PPM1B: variants seen among roughly 807,000 people sequenced by gnomAD.
The protein encoded by PPM1B is protein phosphatase, Mg2+/Mn2+ dependent 1B, also known as protein phosphatase 1B.
In PPM1B, 22 loss-of-function variants were observed where a neutral mutation model predicts 43.0. The observed-to-expected ratio is 0.51, with a 90% CI of 0.37 to 0.73. PPM1B has a LOEUF of 0.73. Among genes scored for constraint, PPM1B ranks in the 30% least tolerant of loss-of-function variants. The pLI is 0.00. For synonymous variants in PPM1B, 217 were observed against 197.9 expected (o/e 1.10, Z -0.81); for missense variants, 632 against 584.2 (o/e 1.08, Z -0.84).
chr2:44,243,624 T>C (rs1213696415), intron 5 of PPM1B, among the ~76,000 whole-genome samples: 1 of 152,210 alleles, frequency 6.6e-6, no homozygotes, highest in Non-Finnish European at 1.5e-5. Context: ...AGCCAATCTT[T>C]TCTCATTATT....
intron 1 of PPM1B, among the ~76,000 whole-genome samples, chr2:44,187,973 A>G (rs1052496539): frequency 6.6e-6 from 1 of 152,136 alleles, no homozygotes; most frequent in African/African-American, 2.4e-5. Context: ...GATGGTCTCA[A>G]TCTCCTGACC....
downstream of PPM1B, among the ~76,000 whole-genome samples, chr2:44,246,491 T>C (rs1027295041): frequency 6.6e-6 from 1 of 152,212 alleles, no homozygotes; most frequent in Non-Finnish European, 1.5e-5. Context: ...CAGGTCCAAG[T>C]ACTGAGGCCC....
At chr2:44,190,591 A>C (rs1238951497) in intron 1 of PPM1B, among the ~76,000 whole-genome samples, 1 of 152,162 alleles carries the variant, frequency 6.6e-6, no homozygotes, top group Non-Finnish European at 1.5e-5. Context: ...TTTTGAAAGT[A>C]ATTTTAAAGA....
rs182424346 is a variant in PPM1B at position 44,240,373 on chromosome 2, C to T, written n.1547-3855C>T. 1.4e-5 allele frequency among the ~76,000 whole-genome samples: 2 copies of T among 145,908 alleles called. 1 individual carries two copies. The highest frequency in any genetic ancestry group is 4.1e-4 in the East Asian group (2 of 4,896). On this transcript the variant is annotated intron_variant and non_coding_transcript_variant, in intron 5 of 5. Transcript: ENST00000378540. ...TTTTAACCTATCACTCCCTTTCCTCCCCCTGTAAAACAGGATTAGTAACTA... is the reference window on the plus strand; with the variant it reads ...TTTTAACCTATCACTCCCTTTCCTCTCCCTGTAAAACAGGATTAGTAACTA...
chr2:44,196,243 G>C lies in PPM1B; in HGVS notation c.-14-4943G>C, dbSNP rs1668656620. 1.3e-5 allele frequency among the ~76,000 whole-genome samples: 2 copies of C among 152,116 alleles called. 1 individual carries two copies. The highest frequency in any genetic ancestry group is 1.3e-4 in the Admixed American group (2 of 15,268). On this transcript the variant is annotated intron_variant, in intron 1 of 5. Coordinates refer to ENST00000282412, the MANE Select transcript of PPM1B (RefSeq NM_002706.6). ...GTCTCCTTAGGCCCCTGTTGGCTGTGGCAGTTTCTCAGGCTTTCCTTGTTT... is the reference window on the plus strand; with the variant it reads ...GTCTCCTTAGGCCCCTGTTGGCTGTCGCAGTTTCTCAGGCTTTCCTTGTTT...
chr2:44,232,185 C>G, downstream of PPM1B: 2 of 1,348,622 alleles, frequency 1.5e-6, no homozygotes, highest in Non-Finnish European at 2.0e-6. Context: ...CAACATCTCT[C>G]TGTAAAAGTA....
chr2:44,216,524 A>G (rs992085591), intron 3 of PPM1B, among the ~76,000 whole-genome samples: 5 of 152,208 alleles, frequency 3.3e-5, no homozygotes, highest in Non-Finnish European at 4.4e-5. Context: ...GCATTATGGT[A>G]TACAGTACAT....
At chr2:44,191,970 T>G (rs1012595163) in intron 1 of PPM1B, among the ~76,000 whole-genome samples, 1 of 152,112 alleles carries the variant, frequency 6.6e-6, no homozygotes, top group Non-Finnish European at 1.5e-5. Context: ...TCTTTCCTTT[T>G]CTTGTTCTTT....
intron 5 of PPM1B, among the ~76,000 whole-genome samples, chr2:44,243,268 CT>C (rs1279922087): frequency 6.6e-6 from 1 of 152,156 alleles, no homozygotes; most frequent in African/African-American, 2.4e-5. Context: ...TTCATATACA[CT>C]TTTAAATCAA....
chr2:44,179,884 C>A (rs1558389539), intron 1 of PPM1B, among the ~76,000 whole-genome samples: 1 of 151,848 alleles, frequency 6.6e-6, no homozygotes. Flanking sequence ...TGGTGGGTGC[C>A]TGTAATCCCA....
At chr2:44,171,628 A>G (rs967824181) in intron 1 of PPM1B, among the ~76,000 whole-genome samples, 1 of 151,874 alleles carries the variant, frequency 6.6e-6, no homozygotes, top group Non-Finnish European at 1.5e-5. Flanking sequence ...TTAGGAGTTC[A>G]TGACCAGCCT....
At chr2:44,213,780 G>A (rs1476283056) in intron 3 of PPM1B, 1 of 152,136 alleles carries the variant, frequency 6.6e-6, no homozygotes, top group Non-Finnish European at 1.5e-5. Context: ...TGAAGATTAT[G>A]TCAGATGCGG....
chr2:44,182,478 C>G (rs1376555290), intron 1 of PPM1B, among the ~76,000 whole-genome samples: 1 of 152,126 alleles, frequency 6.6e-6, no homozygotes, highest in Non-Finnish European at 1.5e-5. Flanking sequence ...TCAGGCTGGT[C>G]TCAAACTCCC....
At chr2:44,184,969 C>T (rs1332404820) in intron 1 of PPM1B, among the ~76,000 whole-genome samples, 1 of 148,402 alleles carries the variant, frequency 6.7e-6, no homozygotes, top group Non-Finnish European at 1.5e-5. Flanking sequence ...ATTAGACCGG[C>T]CACTAGATAC....
rs761906323 is a variant in PPM1B at position 44,201,150 on chromosome 2, A to T, written c.-14-36A>T. 2.6e-6 allele frequency: 4 copies of T among 1,523,140 alleles called. No homozygotes were observed. The South Asian group carries it at 5.3e-5, about 20-fold the overall frequency. 94.4% of individuals were successfully genotyped at this position (1,523,140 alleles called of 1,614,324 possible). A position where few individuals can be genotyped will look rare whatever the true frequency, so the allele number is the denominator to read the frequency against. Reference sequence around the variant, plus strand: ...AATATTGTACATACATTTTCTGTCAAATTTAAACATTTAACACCTGCATTT... The same window carrying T: ...AATATTGTACATACATTTTCTGTCATATTTAAACATTTAACACCTGCATTT... On this transcript the variant is annotated intron_variant, in intron 1 of 5. Coordinates refer to ENST00000282412, the MANE Select transcript of PPM1B (RefSeq NM_002706.6). This position sits in a 1 kb window ranked among gnomAD's most constrained non-coding sequence, Gnocchi z 5.4.
intron 3 of PPM1B, among the ~76,000 whole-genome samples, chr2:44,211,764 T>C (rs1427791925): frequency 6.7e-6 from 1 of 148,398 alleles, no homozygotes; most frequent in Non-Finnish European, 1.5e-5. Flanking sequence ...TTTTTTTTTT[T>C]TTATGATGGA....
At chr2:44,238,146 G>A (rs188570012), downstream of PPM1B, among the ~76,000 whole-genome samples, 3 of 151,982 alleles carry the variant, frequency 2.0e-5, no homozygotes, top group South Asian at 2.1e-4. Flanking sequence ...TGGGTGATCC[G>A]CCCGCCTTGG....
At chr2:44,205,374 T>TGTGTGTGTGTGTGTGTGTGG (rs1553333054) in intron 2 of PPM1B, among the ~76,000 whole-genome samples, 4 of 151,358 alleles carry the variant, frequency 2.6e-5, no homozygotes, top group African/African-American at 9.8e-5. Context: ...TGTGTGTGTG[T>TGTGTGTGTGTGTGTGTGTGG]GTGTGTAAGT....
intron 1 of PPM1B, among the ~76,000 whole-genome samples, chr2:44,183,326 A>G (rs962901565): frequency 6.6e-6 from 1 of 152,248 alleles, no homozygotes; most frequent in Non-Finnish European, 1.5e-5. Flanking sequence ...CGATGAAATC[A>G]GACCATTTAG....
Sources: gnomAD v4.1 joint callset for allele counts (sites outside exome capture counted in the v4.1 genomes callset) on GRCh38, gnomAD v4.1.1 for gene constraint, Gnocchi (gnomAD v3.1) non-coding constraint, MANE v1.5 for transcripts, NCBI Gene and HGNC (gene_info 2026-07-23, HGNC 2026-07-21) for gene names.